CMYA5: variants seen among roughly 807,000 people sequenced by gnomAD.
CMYA5 encodes the protein cardiomyopathy associated 5.
In CMYA5, 246 loss-of-function variants were observed where a neutral mutation model predicts 318.9. That is an observed-to-expected ratio of 0.77 (90% CI 0.70 to 0.86). CMYA5 has a LOEUF of 0.86. CMYA5 is among the 40% of genes least tolerant of loss of function. CMYA5 has a pLI of 0.00. For synonymous variants in CMYA5, 1,641 were observed against 1,729.5 expected, an observed-to-expected ratio of 0.95 and a Z score of 1.27; for missense variants, 4,589 against 4,678.2, an observed-to-expected ratio of 0.98 and a Z score of 0.56.
rs552739495 is a variant in CMYA5, at chr5:79,689,878, T to C, written c.-30T>C. 4.0e-5 allele frequency: 28 copies of C among 697,470 alleles called. No homozygotes were observed. The highest frequency in any genetic ancestry group is 1.9e-4 in the African/African-American group (10 of 52,968). 43.2% of individuals were successfully genotyped at this position (697,470 alleles called of 1,614,324 possible). ...CAGGCGCGGCGCGGGCGGCTCCGGC[T>C]CCGGCCCCGGCCCAGGCCCGGGAGA... On this transcript the variant is annotated 5_prime_UTR_variant, in exon 1 of 13. Coordinates refer to ENST00000446378, the MANE Select transcript of CMYA5 (RefSeq NM_153610.5).
chr5:79,738,720 A>T lies in CMYA5; in HGVS notation c.9955A>T (p.Met3319Leu). Residue 3319 changes from methionine to leucine, a missense_variant, in exon 2 of 13, where the codon ATG becomes TTG. Coordinates refer to ENST00000446378, the MANE Select transcript of CMYA5 (RefSeq NM_153610.5). ...TGTGGAGACCGTTGGTAACGTAGCG[A>T]TGCAGAAGAAAGCTCCCATCACAGA... ...DHVETVGNVA[M>L]QKKAPITEDV... The T allele has an allele frequency of 6.2e-7, 1 of 1,613,978 alleles. No individual in the cohort carries two copies. The highest frequency in any genetic ancestry group is 8.5e-7 in the Non-Finnish European group (1 of 1,179,872).
At chr5:79,787,191 A>G (rs755799622) in intron 9 of CMYA5, among the ~76,000 whole-genome samples, 2 of 152,072 alleles carry the variant, frequency 1.3e-5, no homozygotes, top group Non-Finnish European at 2.9e-5. Flanking sequence ...AAATTTCCCC[A>G]CCAATCCTTG....
chr5:79,690,926 A>G (rs1277463105), intron 1 of CMYA5, among the ~76,000 whole-genome samples: 1 of 152,206 alleles, frequency 6.6e-6, no homozygotes, highest in Non-Finnish European at 1.5e-5. Flanking sequence ...ATGTTGAAGA[A>G]GTAGCCCATA....
intron 12 of CMYA5, among the ~76,000 whole-genome samples, chr5:79,795,363 C>T (rs560040657): frequency 6.6e-6 from 1 of 152,282 alleles, no homozygotes; most frequent in South Asian, 2.1e-4. Context: ...CAACCTACAT[C>T]ACTCTTGATT....
intron 4 of CMYA5, 24 bp downstream of exon 4, chr5:79,745,479 C>T: frequency 1.3e-6 from 2 of 1,531,992 alleles, no homozygotes; most frequent in Non-Finnish European, 1.8e-6. Flanking sequence ...AAAATGGGCT[C>T]AAACACCTTG....
rs377719787 is a variant in CMYA5 at position 79,738,718 on chromosome 5, C to T, written c.9953C>T (p.Ala3318Val). Reference sequence around the variant, plus strand: ...CATGTGGAGACCGTTGGTAACGTAGCGATGCAGAAGAAAGCTCCCATCACA... The same window carrying T: ...CATGTGGAGACCGTTGGTAACGTAGTGATGCAGAAGAAAGCTCCCATCACA... ...VDHVETVGNV[A>V]MQKKAPITED... The change falls in exon 2 of 13, where the codon GCG becomes GTG. Residue 3318 changes from alanine to valine, a missense_variant. By Grantham distance (64) the Ala-to-Val change is moderately conservative. Around this residue, in one of 3 missense-constraint regions of CMYA5, gnomAD observed 2,431 missense variants for 2,495.1 expected, o/e 0.97. Coordinates refer to ENST00000446378, the MANE Select transcript of CMYA5 (RefSeq NM_153610.5). The T allele has an allele frequency of 6.8e-6, 11 of 1,613,772 alleles. No homozygotes were observed. The highest frequency in any genetic ancestry group is 3.3e-5 in the Admixed American group (2 of 59,984).
At chr5:79,704,668 A>G (rs1434550131) in intron 1 of CMYA5, among the ~76,000 whole-genome samples, 2 of 151,950 alleles carry the variant, frequency 1.3e-5, no homozygotes, top group African/African-American at 4.8e-5. Flanking sequence ...CCATTTGGGG[A>G]TAGCTATGTT....
chr5:79,792,261 C>T (rs1829193829), intron 11 of CMYA5, among the ~76,000 whole-genome samples: 1 of 152,070 alleles, frequency 6.6e-6, no homozygotes, highest in African/African-American at 2.4e-5. Flanking sequence ...TCTTTGAATC[C>T]CTCAAATCTA....
chr5:79,790,928 C>A, intron 10 of CMYA5, 42 bp from the exon 11 acceptor site: 1 of 1,369,290 alleles, frequency 7.3e-7, no homozygotes, highest in Non-Finnish European at 1.0e-6. Context: ...CAGCACTGGT[C>A]CTTGTGGCAA....
rs1236795779 is a variant in CMYA5 at position 79,730,121 on chromosome 5, C to T, written c.1356C>T (p.Asp452=). The change falls in exon 2 of 13, where the codon GAC becomes GAT. Residue 452 remains aspartate, a synonymous_variant. Transcript: ENST00000446378. ...CAGCATCTACCCAGGATGGTTTGGACCCAGACCAAGAACAGCCGGACCTGA... is the reference window on the plus strand; with the variant it reads ...CAGCATCTACCCAGGATGGTTTGGATCCAGACCAAGAACAGCCGGACCTGA... ...GLAASTQDGL[D]PDQEQPDLTS... The T allele has an allele frequency of 6.2e-7, 1 of 1,613,718 alleles. No homozygotes were observed. Among genetic ancestry groups the T allele is most frequent in the Non-Finnish European group, 8.5e-7 (1 of 1,179,870 alleles).
chr5:79,757,786 A>G (rs1357596294), intron 6 of CMYA5, among the ~76,000 whole-genome samples: 1 of 152,228 alleles, frequency 6.6e-6, no homozygotes, highest in African/African-American at 2.4e-5. Context: ...ACATGAGTTT[A>G]TTGCTCCAAC....
At chr5:79,796,883 G>A (rs1175601313) in intron 12 of CMYA5, among the ~76,000 whole-genome samples, 1 of 151,790 alleles carries the variant, frequency 6.6e-6, no homozygotes, top group Admixed American at 6.6e-5. Flanking sequence ...TTAAAAACTA[G>A]GATATTTTAT....
intron 9 of CMYA5, among the ~76,000 whole-genome samples, chr5:79,767,432 G>C (rs1828775736): frequency 6.6e-6 from 1 of 152,098 alleles, no homozygotes; most frequent in African/African-American, 2.4e-5. Context: ...TTTCTCTTGT[G>C]GGCATTTAGT....
chr5:79,748,508 TCTATCTATCTAC>T (rs1343990771), intron 5 of CMYA5, among the ~76,000 whole-genome samples: 54 of 122,316 alleles, frequency 4.4e-4, no homozygotes, highest in African/African-American at 1.8e-3. Flanking sequence ...TATCTATCTA[TCTATCTATCTAC>T]CTATCTATCT....
At chr5:79,751,919 C>T (rs1828438539) in intron 5 of CMYA5, among the ~76,000 whole-genome samples, 3 of 152,164 alleles carry the variant, frequency 2.0e-5, no homozygotes, top group African/African-American at 7.2e-5. Context: ...TCTGGGAGAA[C>T]AAAGTTCCAA....
At chr5:79,746,709 C>T (rs894523373) in intron 4 of CMYA5, among the ~76,000 whole-genome samples, 2 of 152,130 alleles carry the variant, frequency 1.3e-5, no homozygotes, top group Non-Finnish European at 2.9e-5. Context: ...AGTCATTTTT[C>T]CTGCTTTAGA....
In CMYA5 at chr5:79,729,457, T is replaced by C; in HGVS notation, c.692T>C (p.Met231Thr). ...YIGTVQYKIKMFNSVKEELIP... is the reference protein window; with the variant it reads ...YIGTVQYKIKTFNSVKEELIP... The stretch of plus-strand genomic sequence containing the variant: ...GGAACAGTACAATATAAAATTAAGA[T>C]GTTTAATTCGGTTAAAGAAGAATTA... Residue 231 changes from methionine to threonine, a missense_variant, in exon 2 of 13, where the codon ATG (methionine) becomes ACG (threonine). Coordinates refer to ENST00000446378, the MANE Select transcript of CMYA5 (RefSeq NM_153610.5). 1 of 1,611,204 alleles carries C rather than the reference T, an allele frequency of 6.2e-7. No homozygotes were observed. The highest frequency in any genetic ancestry group is 8.5e-7 in the Non-Finnish European group (1 of 1,178,094).
intron 1 of CMYA5, among the ~76,000 whole-genome samples, chr5:79,699,914 G>A (rs543569825): frequency 3.3e-5 from 5 of 152,174 alleles, no homozygotes; most frequent in Non-Finnish European, 5.9e-5. Flanking sequence ...AGAAAATTCT[G>A]GTGGAGTCCC....
chr5:79,700,679 G>A (rs993344856), intron 1 of CMYA5, among the ~76,000 whole-genome samples: 1 of 152,082 alleles, frequency 6.6e-6, no homozygotes, highest in Non-Finnish European at 1.5e-5. Flanking sequence ...ATGGATGAGT[G>A]GATAAGGAAA....
Sources: allele counts gnomAD v4.1 joint callset (sites outside exome capture counted in the v4.1 genomes callset), GRCh38; gene constraint gnomAD v4.1.1; regional missense constraint gnomAD v4.1.1; transcripts MANE v1.5; gene names NCBI Gene and HGNC (gene_info 2026-07-23, HGNC 2026-07-21).